The following NUBPL variants were observed in gnomAD, a reference collection of about 807,000 sequenced individuals.
NUBPL encodes the protein NUBP iron-sulfur cluster assembly factor, mitochondrial, also known as iron-sulfur cluster transfer protein NUBPL.
Under a neutral mutation model 45.7 loss-of-function variants are expected in NUBPL, and 31 were observed. The observed-to-expected ratio is 0.68, with a 90% confidence interval of 0.51 to 0.92. The LOEUF (loss-of-function observed/expected upper bound fraction) is 0.92, where lower values mean the gene tolerates loss of function less well. Among genes scored for constraint, NUBPL ranks in the 40% least tolerant of loss-of-function variants. NUBPL has a pLI of 0.00. For missense variants in NUBPL, 401 were observed against 398.7 expected (o/e 1.01, Z -0.05); for synonymous variants, 144 against 140.9 (o/e 1.02, Z -0.15).
chr14:31,570,121 A>G (rs768979130), intron 3 of NUBPL, among the ~76,000 whole-genome samples: 42 of 152,220 alleles, frequency 2.8e-4, no homozygotes, highest in Non-Finnish European at 4.8e-4. Flanking sequence ...AGTAAAGAAG[A>G]ATAAACATAT....
intron 6 of NUBPL, among the ~76,000 whole-genome samples, chr14:31,756,531 G>C (rs1428179600): frequency 6.6e-6 from 1 of 151,898 alleles, no homozygotes; most frequent in African/African-American, 2.4e-5. Context: ...GAATGCTTGT[G>C]ATTTCTGTAC....
intron 4 of NUBPL, among the ~76,000 whole-genome samples, chr14:31,639,644 C>T (rs769510499): frequency 7.2e-5 from 11 of 152,162 alleles, no homozygotes; most frequent in African/African-American, 1.2e-4. Flanking sequence ...AGTCTGCAGA[C>T]GTTACTGCTG....
intron 7 of NUBPL, among the ~76,000 whole-genome samples, chr14:31,807,881 TC>T (rs1324283049): frequency 3.9e-5 from 6 of 152,246 alleles, no homozygotes; most frequent in African/African-American, 1.4e-4. Flanking sequence ...AAATAGGGAA[TC>T]CTTTCCCCAT....
intron 8 of NUBPL, among the ~76,000 whole-genome samples, chr14:31,830,107 C>T (rs150977854): frequency 8.6e-4 from 131 of 152,282 alleles, no homozygotes; most frequent in African/African-American, 3.0e-3. Context: ...CTTTGATAAT[C>T]TCATTCCCTG....
chr14:31,565,463 C>G (rs1291888856), intron 3 of NUBPL, among the ~76,000 whole-genome samples: 1 of 152,062 alleles, frequency 6.6e-6, no homozygotes, highest in Admixed American at 6.5e-5. Flanking sequence ...TTTATGCATT[C>G]CTTTCTGTTC....
intron 6 of NUBPL, among the ~76,000 whole-genome samples, chr14:31,726,126 G>C (rs1242893976): frequency 6.6e-6 from 1 of 152,186 alleles, no homozygotes; most frequent in African/African-American, 2.4e-5. Context: ...TTGCAAGTTT[G>C]AGAAGGACAG....
chr14:31,574,282 G>A (rs1483078467), intron 3 of NUBPL, among the ~76,000 whole-genome samples: 1 of 143,764 alleles, frequency 7.0e-6, no homozygotes, highest in East Asian at 2.0e-4. Context: ...TTTTTTTTTT[G>A]AGACAGAGTC....
intron 9 of NUBPL, among the ~76,000 whole-genome samples, chr14:31,849,040 A>G (rs1351120942): frequency 1.3e-5 from 2 of 152,186 alleles, no homozygotes; most frequent in Non-Finnish European, 2.9e-5. Context: ...TGATCCTTAA[A>G]TGGTTACTAA....
At chr14:31,676,092 A>G (rs4488359) in intron 6 of NUBPL, among the ~76,000 whole-genome samples, 151,807 of 152,086 alleles carry the variant, frequency 1, 75,765 homozygotes, top group Middle Eastern at 1. Flanking sequence ...GTGCCATCTC[A>G]GCTCACTGCA....
intron 6 of NUBPL, among the ~76,000 whole-genome samples, chr14:31,737,281 G>A (rs187496988): frequency 1.3e-5 from 2 of 152,228 alleles, no homozygotes; most frequent in South Asian, 2.1e-4. Flanking sequence ...TTACATTTAT[G>A]TCTATGATCT....
intron 4 of NUBPL, among the ~76,000 whole-genome samples, chr14:31,632,589 A>G (rs1425301999): frequency 6.6e-6 from 1 of 152,170 alleles, no homozygotes; most frequent in Non-Finnish European, 1.5e-5. Context: ...TGAGAGAAAA[A>G]ATAGTTTATA....
At chr14:31,771,218 C>T (rs1344155232) in intron 6 of NUBPL, among the ~76,000 whole-genome samples, 1 of 151,896 alleles carries the variant, frequency 6.6e-6, no homozygotes, top group African/African-American at 2.4e-5. Flanking sequence ...TCCATGGTAA[C>T]TAGGATACTT....
At chr14:31,599,118 TTTAC>T (rs2034357045) in intron 3 of NUBPL, 167 bp from the exon 4 acceptor site, 1 of 654,364 alleles carries the variant, frequency 1.5e-6, no homozygotes, top group Admixed American at 2.5e-5. Flanking sequence ...TTTATGCTCT[TTTAC>T]TTAACTGTTG....
chr14:31,663,380 T>A (rs1595456731), intron 4 of NUBPL, among the ~76,000 whole-genome samples: 1 of 152,366 alleles, frequency 6.6e-6, no homozygotes, highest in Admixed American at 6.5e-5. Flanking sequence ...AGGTCTTATA[T>A]TTAAGTCTTC....
At chr14:31,670,471 G>A (rs1450934841) in intron 4 of NUBPL, among the ~76,000 whole-genome samples, 1 of 152,046 alleles carries the variant, frequency 6.6e-6, no homozygotes, top group East Asian at 1.9e-4. Flanking sequence ...AATCTCTTAA[G>A]TTTAATTAGA....
chr14:31,708,861 C>G (rs867528334), intron 6 of NUBPL, among the ~76,000 whole-genome samples: 1 of 152,162 alleles, frequency 6.6e-6, no homozygotes. Flanking sequence ...CAGTGATTGC[C>G]TTGGCATAGC....
intron 3 of NUBPL, among the ~76,000 whole-genome samples, chr14:31,593,939 G>C (rs2139536455): frequency 6.6e-6 from 1 of 152,142 alleles, no homozygotes; most frequent in Non-Finnish European, 1.5e-5. Context: ...GGTGAAAGAG[G>C]TATGGTAAGT....
At chr14:31,572,459 A>G (rs923254898) in intron 3 of NUBPL, among the ~76,000 whole-genome samples, 1 of 152,172 alleles carries the variant, frequency 6.6e-6, no homozygotes, top group Admixed American at 6.5e-5. Context: ...CTTATGATTA[A>G]GAACTAGGTT....
At chr14:31,829,672 A>G (rs575800485) in intron 8 of NUBPL, among the ~76,000 whole-genome samples, 32 of 152,164 alleles carry the variant, frequency 2.1e-4, no homozygotes, top group African/African-American at 7.2e-4. Context: ...TTTTTCCCCC[A>G]TTTGACGTGC....
Sources: gnomAD v4.1 joint callset for allele counts (sites outside exome capture counted in the v4.1 genomes callset) on GRCh38, gnomAD v4.1.1 for gene constraint, MANE v1.5 for transcripts, NCBI Gene and HGNC (gene_info 2026-07-23, HGNC 2026-07-21) for gene names.